ME3: variants seen among roughly 807,000 people sequenced by gnomAD.
The protein encoded by ME3 is malic enzyme 3.
In ME3, 48 loss-of-function variants were observed where a neutral mutation model predicts 68.9. That is an observed-to-expected ratio of 0.70 (90% CI 0.55 to 0.89). ME3 has a LOEUF of 0.89. Ranked by LOEUF, ME3 falls within the 40% of genes least tolerant of loss-of-function variation. The pLI is 0.00. For synonymous variants in ME3, 320 were observed against 318.8 expected, an observed-to-expected ratio of 1.00 and a Z score of -0.04; for missense variants, 675 against 797.4, an observed-to-expected ratio of 0.85 and a Z score of 1.85.
At chr11:86,533,673 A>T (rs10792856) in intron 4 of ME3, among the ~76,000 whole-genome samples, 17,787 of 152,214 alleles carry the variant, frequency 0.12, 1,044 homozygotes, top group Non-Finnish European at 0.14. Context: ...AAGCCAGACG[A>T]GGACACTACA....
At chr11:86,610,302 A>G (rs1011165604) in intron 2 of ME3, among the ~76,000 whole-genome samples, 1 of 152,096 alleles carries the variant, frequency 6.6e-6, no homozygotes, top group African/African-American at 2.4e-5. Flanking sequence ...TATTATCGTT[A>G]TATTTTTTCC....
chr11:86,602,476 C>G (rs1005658706), intron 2 of ME3, among the ~76,000 whole-genome samples: 4 of 152,114 alleles, frequency 2.6e-5, no homozygotes, highest in Non-Finnish European at 5.9e-5. Flanking sequence ...AATGGAAGAA[C>G]ATTCTATGCT....
At chr11:86,621,252 G>A (rs1391033158) in intron 2 of ME3, among the ~76,000 whole-genome samples, 1 of 152,172 alleles carries the variant, frequency 6.6e-6, no homozygotes, top group Non-Finnish European at 1.5e-5. Context: ...GAGGAGAAAA[G>A]TCACTATTTT....
At chr11:86,591,892 G>A (rs1959083425) in intron 2 of ME3, among the ~76,000 whole-genome samples, 3 of 152,190 alleles carry the variant, frequency 2.0e-5, no homozygotes, top group East Asian at 1.9e-4. Context: ...GGGAATTCAA[G>A]ATGAGATTTG....
At chr11:86,616,791 C>G (rs1170036472) in intron 2 of ME3, among the ~76,000 whole-genome samples, 1 of 152,002 alleles carries the variant, frequency 6.6e-6, no homozygotes, top group East Asian at 1.9e-4. Context: ...ACATGGCAGC[C>G]AAATGTAATG....
At chr11:86,461,040 A>G (rs1950200998) in intron 8 of ME3, among the ~76,000 whole-genome samples, 1 of 152,240 alleles carries the variant, frequency 6.6e-6, no homozygotes, top group Non-Finnish European at 1.5e-5. Flanking sequence ...GCAGGATGAC[A>G]GCAGCAGGAT....
chr11:86,616,120 C>T (rs1942940715), intron 2 of ME3, among the ~76,000 whole-genome samples: 1 of 152,116 alleles, frequency 6.6e-6, no homozygotes, highest in South Asian at 2.1e-4. Context: ...ATATTGTCTG[C>T]ATTATGACCC....
intron 2 of ME3, among the ~76,000 whole-genome samples, chr11:86,646,776 G>T (rs1329951165): frequency 1.3e-5 from 2 of 152,046 alleles, no homozygotes; most frequent in African/African-American, 4.8e-5. Context: ...TGAAATGAAG[G>T]AAAAAATGTT....
intron 4 of ME3, among the ~76,000 whole-genome samples, chr11:86,528,285 C>A (rs984072689): frequency 5.3e-5 from 8 of 152,168 alleles, no homozygotes; most frequent in Middle Eastern, 3.2e-3. Context: ...GTAAAGGGAT[C>A]AATTCAACAA....
intron 7 of ME3, among the ~76,000 whole-genome samples, chr11:86,469,067 A>G (rs968836227): frequency 6.6e-6 from 1 of 152,228 alleles, no homozygotes; most frequent in Non-Finnish European, 1.5e-5. Context: ...GTTCTTAAAA[A>G]AAAAAGCTAA....
chr11:86,626,902 G>C (rs921273946), intron 2 of ME3, among the ~76,000 whole-genome samples: 1 of 152,142 alleles, frequency 6.6e-6, no homozygotes, highest in Non-Finnish European at 1.5e-5. Context: ...CAAATAAATG[G>C]TGTGGTTTTT....
At chr11:86,507,051 T>G (rs1953132300) in intron 5 of ME3, among the ~76,000 whole-genome samples, 1 of 152,250 alleles carries the variant, frequency 6.6e-6, no homozygotes, top group Non-Finnish European at 1.5e-5. Flanking sequence ...GGGCCTTGGC[T>G]ATGGCTCGAG....
intron 4 of ME3, among the ~76,000 whole-genome samples, chr11:86,510,793 G>C (rs941247681): frequency 6.6e-6 from 1 of 152,100 alleles, no homozygotes; most frequent in African/African-American, 2.4e-5. Context: ...TTATTTAACT[G>C]CCTACCTGAT....
At chr11:86,642,086 G>A (rs1300549966) in intron 2 of ME3, among the ~76,000 whole-genome samples, 3 of 152,204 alleles carry the variant, frequency 2.0e-5, no homozygotes, top group Admixed American at 2.0e-4. Flanking sequence ...TTAGCCCATA[G>A]AGGGCCAAAT....
intron 4 of ME3, among the ~76,000 whole-genome samples, chr11:86,552,887 C>T (rs1449352584): frequency 6.6e-6 from 1 of 152,180 alleles, no homozygotes; most frequent in Non-Finnish European, 1.5e-5. Flanking sequence ...GAGGATGAGG[C>T]ATGTGAAGAC....
intron 2 of ME3, among the ~76,000 whole-genome samples, chr11:86,571,208 C>T (rs1253857674): frequency 5.9e-5 from 9 of 152,134 alleles, no homozygotes; most frequent in East Asian, 3.8e-4. Flanking sequence ...CCTTCTGCCT[C>T]GCACAGTAAT....
chr11:86,670,255 T>C (rs1362596397), intron 2 of ME3, among the ~76,000 whole-genome samples: 1 of 152,200 alleles, frequency 6.6e-6, no homozygotes, highest in Non-Finnish European at 1.5e-5. Context: ...CTGGATGATG[T>C]GGTGTGAGAA....
At chr11:86,487,505 A>C in intron 6 of ME3, 65 bp from the exon 7 acceptor site, 1 of 1,299,614 alleles carries the variant, frequency 7.7e-7, no homozygotes, top group Non-Finnish European at 1.1e-6. Flanking sequence ...TTTTTCCAAC[A>C]AGTATCCAGG....
chr11:86,617,638 A>G (rs1019013851), intron 2 of ME3, among the ~76,000 whole-genome samples: 7 of 152,218 alleles, frequency 4.6e-5, no homozygotes, highest in East Asian at 1.9e-4. Context: ...TAGAAAAACA[A>G]TCTTGTAGAG....
Sources: allele counts gnomAD v4.1 joint callset (sites outside exome capture counted in the v4.1 genomes callset), GRCh38; gene constraint gnomAD v4.1.1; transcripts MANE v1.5; gene names NCBI Gene and HGNC (gene_info 2026-07-23, HGNC 2026-07-21).